KCND2: variants seen among roughly 807,000 people sequenced by gnomAD.
KCND2 encodes the protein A-type voltage-gated potassium channel KCND2.
In KCND2, 16 loss-of-function variants were observed where a neutral mutation model predicts 54.4. The observed-to-expected ratio is 0.29, with a 90% CI of 0.20 to 0.45. The LOEUF is 0.45. KCND2 is among the 20% of genes least tolerant of loss of function. The probability of loss-of-function intolerance (pLI) is 1.00; values close to 1 mark genes in which losing one functional copy is unlikely to be tolerated. For synonymous variants in KCND2, 317 were observed against 310.7 expected (o/e 1.02, Z -0.21); for missense variants, 486 against 824.2 (o/e 0.59, Z 5.02).
intron 1 of KCND2, among the ~76,000 whole-genome samples, chr7:120,666,399 A>G (rs370704537): frequency 6.6e-5 from 10 of 152,088 alleles, no homozygotes; most frequent in Non-Finnish European, 2.9e-5. Context: ...TCTAAAGATA[A>G]TAAGGTAAAA....
At chr7:120,288,667 T>G (rs1314627618) in intron 1 of KCND2, among the ~76,000 whole-genome samples, 1 of 152,100 alleles carries the variant, frequency 6.6e-6, no homozygotes. Flanking sequence ...AAAGGCTGAT[T>G]GAAGATTAAT....
chr7:120,436,233 G>C (rs1226524451), intron 1 of KCND2, among the ~76,000 whole-genome samples: 1 of 152,126 alleles, frequency 6.6e-6, no homozygotes, highest in East Asian at 1.9e-4. Flanking sequence ...AAAAAGTGAA[G>C]TATGACATGG....
intron 1 of KCND2, among the ~76,000 whole-genome samples, chr7:120,585,500 A>G (rs987924193): frequency 6.6e-6 from 1 of 152,190 alleles, no homozygotes; most frequent in African/African-American, 2.4e-5. Flanking sequence ...AGAGAAACAT[A>G]TGGTGCTTGG....
intron 1 of KCND2, among the ~76,000 whole-genome samples, chr7:120,638,069 T>C (rs1437808497): frequency 2.0e-5 from 3 of 152,120 alleles, no homozygotes; most frequent in South Asian, 2.1e-4. Context: ...TACGAGAAAG[T>C]GGCTGCAGTA....
At chr7:120,509,153 T>C (rs1333486364) in intron 1 of KCND2, among the ~76,000 whole-genome samples, 1 of 151,990 alleles carries the variant, frequency 6.6e-6, no homozygotes, top group African/African-American at 2.4e-5. Context: ...TAGGTAACTC[T>C]CACAACCAAT....
chr7:120,481,748 T>C (rs1210306220), intron 1 of KCND2, among the ~76,000 whole-genome samples: 2 of 152,208 alleles, frequency 1.3e-5, no homozygotes, highest in Non-Finnish European at 2.9e-5. Context: ...TTGAATCCAC[T>C]ACTTCAGAAG....
intron 1 of KCND2, among the ~76,000 whole-genome samples, chr7:120,496,555 G>A (rs1802850541): frequency 2.0e-5 from 3 of 151,616 alleles, no homozygotes; most frequent in African/African-American, 4.9e-5. Flanking sequence ...CTCCTGAGTA[G>A]CTGGGACTAC....
chr7:120,304,708 C>T (rs1008599804), intron 1 of KCND2, among the ~76,000 whole-genome samples: 2 of 152,204 alleles, frequency 1.3e-5, no homozygotes, highest in Non-Finnish European at 1.5e-5. Flanking sequence ...CTTTCTACAT[C>T]TTTACTTCTC....
chr7:120,734,108 G>A (rs538645056), intron 2 of KCND2, among the ~76,000 whole-genome samples: 28 of 152,202 alleles, frequency 1.8e-4, no homozygotes, highest in African/African-American at 6.3e-4. Context: ...GGCAGTAAAA[G>A]GAAAGTGACA....
chr7:120,513,952 GTTA>G (rs1803159051), intron 1 of KCND2, among the ~76,000 whole-genome samples: 1 of 152,008 alleles, frequency 6.6e-6, no homozygotes, highest in South Asian at 2.1e-4. Context: ...CATTTAATGT[GTTA>G]TTATTAACAA....
intron 1 of KCND2, among the ~76,000 whole-genome samples, chr7:120,312,350 A>G (rs926656326): frequency 2.6e-5 from 4 of 151,944 alleles, no homozygotes; most frequent in African/African-American, 9.7e-5. Flanking sequence ...ATGAACATGC[A>G]CATACATGTG....
chr7:120,574,456 T>C lies in KCND2; in HGVS notation c.1116-158447T>C, dbSNP rs372085005. Among the ~76,000 whole-genome samples, 6 of 152,336 alleles carry C rather than the reference T, an allele frequency of 3.9e-5. No individual in the cohort carries two copies. In the East Asian group the frequency reaches 9.6e-4, roughly 24 times the overall value. On this transcript the variant is annotated intron_variant, in intron 1 of 5. Transcript: ENST00000331113. ...CAATAATGCCATTGGTTACAATATC[T>C]GCTAAAGCATACATGGATTTAAAAG... is the stretch of plus-strand genomic sequence containing the variant.
intron 1 of KCND2, among the ~76,000 whole-genome samples, chr7:120,588,062 T>G (rs1296217379): frequency 6.6e-6 from 1 of 152,222 alleles, no homozygotes; most frequent in East Asian, 1.9e-4. Context: ...CAAAACTACC[T>G]GTTTTTATCT....
At chr7:120,367,757 T>G (rs1423864779) in intron 1 of KCND2, among the ~76,000 whole-genome samples, 1 of 151,960 alleles carries the variant, frequency 6.6e-6, no homozygotes, top group African/African-American at 2.4e-5. Context: ...GCTTGTAGTG[T>G]CAATTAGTTT....
chr7:120,385,174 T>C (rs1469425113), intron 1 of KCND2, among the ~76,000 whole-genome samples: 1 of 148,208 alleles, frequency 6.7e-6, no homozygotes, highest in Non-Finnish European at 1.5e-5. Flanking sequence ...GCTCGACTAT[T>C]TTTTTTTTTG....
At chr7:120,676,865 T>G (rs1792067125) in intron 1 of KCND2, among the ~76,000 whole-genome samples, 1 of 152,172 alleles carries the variant, frequency 6.6e-6, no homozygotes. Flanking sequence ...GGCATCTGGG[T>G]AGCCACAATC....
intron 1 of KCND2, among the ~76,000 whole-genome samples, chr7:120,319,568 G>C (rs569622493): frequency 6.6e-6 from 1 of 152,096 alleles, no homozygotes; most frequent in East Asian, 1.9e-4. Flanking sequence ...TCTAAAGGCA[G>C]GTCAAAATAA....
intron 1 of KCND2, among the ~76,000 whole-genome samples, chr7:120,593,328 C>G (rs919387182): frequency 6.6e-6 from 1 of 152,120 alleles, no homozygotes; most frequent in African/African-American, 2.4e-5. Context: ...CTGATTGATT[C>G]ACCGAACAGA....
chr7:120,542,603 C>A (rs1791993012), intron 1 of KCND2, among the ~76,000 whole-genome samples: 1 of 152,128 alleles, frequency 6.6e-6, no homozygotes, highest in Non-Finnish European at 1.5e-5. Flanking sequence ...TAGTTCATGT[C>A]AACCTGATTC....
Sources: allele counts gnomAD v4.1 joint callset (sites outside exome capture counted in the v4.1 genomes callset), GRCh38; gene constraint gnomAD v4.1.1; transcripts MANE v1.5; gene names NCBI Gene and HGNC (gene_info 2026-07-23, HGNC 2026-07-21).